Variants in NCKAP5 observed in about 807,000 individuals in gnomAD.
NCKAP5 encodes the protein NCK associated protein 5, also known as nck-associated protein 5.
In NCKAP5, 92 loss-of-function variants were observed where a neutral mutation model predicts 167.0. That is an observed-to-expected ratio of 0.55 (90% CI 0.47 to 0.66). NCKAP5 has a LOEUF of 0.66. NCKAP5 is among the 30% of genes least tolerant of loss of function. The probability of loss-of-function intolerance (pLI) is 0.00; values close to 1 mark genes in which losing one functional copy is unlikely to be tolerated. For synonymous variants in NCKAP5, 891 were observed against 877.4 expected (o/e 1.02, Z -0.27); for missense variants, 2,378 against 2,315.0 (o/e 1.03, Z -0.56).
At chr2:133,541,950 T>G (rs550675965) in intron 2 of NCKAP5, among the ~76,000 whole-genome samples, 1 of 152,194 alleles carries the variant, frequency 6.6e-6, no homozygotes, top group Non-Finnish European at 1.5e-5. Context: ...CAATAAAATG[T>G]CCCCACCTGT....
At position 132,673,267 on chromosome 2, in the gene NCKAP5, C is replaced by A. The variant is rs1481046150; in HGVS notation, c.*22G>T. 6.6e-7 allele frequency: 1 copy of A among 1,516,010 alleles called. No individual in the cohort carries two copies. Among genetic ancestry groups the A allele is most frequent in the East Asian group, 2.5e-5 (1 of 39,968 alleles). The allele number at this position is 1,516,010 out of a possible 1,614,324, so 93.9% of individuals were successfully genotyped here. On this transcript the variant is annotated 3_prime_UTR_variant, in exon 20 of 20. Coordinates refer to ENST00000409261, the MANE Select transcript of NCKAP5 (RefSeq NM_207363.3). ...CTAGGGAAATTTTCGATAATCTATTCTCGGGATCGTCTTTTGTTTCTTCAA... is the reference window on the plus strand; with the variant it reads ...CTAGGGAAATTTTCGATAATCTATTATCGGGATCGTCTTTTGTTTCTTCAA...
At chr2:133,013,458 T>C (rs920765303) in intron 6 of NCKAP5, among the ~76,000 whole-genome samples, 2 of 152,216 alleles carry the variant, frequency 1.3e-5, no homozygotes, top group Non-Finnish European at 2.9e-5. Context: ...TTCACATGAA[T>C]GGCAGCAGGC....
intron 10 of NCKAP5, among the ~76,000 whole-genome samples, chr2:132,866,545 A>G (rs967201754): frequency 6.6e-6 from 1 of 152,174 alleles, no homozygotes; most frequent in Non-Finnish European, 1.5e-5. Flanking sequence ...AGAAACTGCT[A>G]AGTTCATGGA....
intron 3 of NCKAP5, among the ~76,000 whole-genome samples, chr2:133,374,611 T>C (rs1381440230): frequency 2.0e-5 from 3 of 147,668 alleles, no homozygotes; most frequent in African/African-American, 7.5e-5. Context: ...GAGAAGTGCA[T>C]GTCTAGGGCA....
At chr2:133,000,645 T>C (rs1051401083) in intron 6 of NCKAP5, among the ~76,000 whole-genome samples, 4 of 152,220 alleles carry the variant, frequency 2.6e-5, no homozygotes, top group African/African-American at 9.6e-5. Context: ...TGACTAGCAT[T>C]AATTACTGTC....
intron 6 of NCKAP5, among the ~76,000 whole-genome samples, chr2:133,016,347 G>T (rs550782879): frequency 6.6e-6 from 1 of 152,190 alleles, no homozygotes; most frequent in Non-Finnish European, 1.5e-5. Context: ...ACAAAAAAAG[G>T]TGATGAAAAT....
chr2:133,261,603 C>T (rs1195041956), intron 4 of NCKAP5, among the ~76,000 whole-genome samples: 2 of 152,172 alleles, frequency 1.3e-5, no homozygotes, highest in Non-Finnish European at 2.9e-5. Context: ...CTGTGTTCTT[C>T]ATCTTTGCAT....
intron 5 of NCKAP5, among the ~76,000 whole-genome samples, chr2:133,145,770 T>C (rs1488181370): frequency 6.6e-6 from 1 of 152,112 alleles, no homozygotes; most frequent in East Asian, 1.9e-4. Context: ...CTGTAATCAA[T>C]ACTTTCTTAC....
chr2:133,330,984 AC>A (rs1234182587), intron 3 of NCKAP5, among the ~76,000 whole-genome samples: 21 of 152,088 alleles, frequency 1.4e-4, no homozygotes, highest in Admixed American at 1.3e-3. Flanking sequence ...ATGCACACAC[AC>A]TCCCACTGTA....
intron 5 of NCKAP5, among the ~76,000 whole-genome samples, chr2:133,181,194 A>T (rs1214968103): frequency 6.6e-6 from 1 of 152,162 alleles, no homozygotes; most frequent in African/African-American, 2.4e-5. Context: ...TTTACATTAT[A>T]AGCAGGACAG....
At chr2:133,298,914 G>A (rs1680151359) in intron 4 of NCKAP5, among the ~76,000 whole-genome samples, 1 of 152,000 alleles carries the variant, frequency 6.6e-6, no homozygotes, top group Non-Finnish European at 1.5e-5. Flanking sequence ...GACAAATCTA[G>A]CAAATATTGC....
In NCKAP5 at chr2:132,785,720, T is replaced by C; in HGVS notation, c.1093-2A>G. On this transcript the variant is annotated splice_acceptor_variant, in intron 13 of 19. Transcript: ENST00000409261. LOFTEE classifies it high-confidence loss of function. ...TTTATCCCAGTTTTGTGATGATTGC[T>C]AGGAAAGAAAAGTAGACATCAGAAA... 6.8e-7 allele frequency: 1 copy of C among 1,481,244 alleles called. No homozygotes were observed. The highest frequency in any genetic ancestry group is 9.0e-7 in the Non-Finnish European group (1 of 1,116,520). 91.8% of individuals were successfully genotyped at this position (1,481,244 alleles called of 1,614,324 possible).
At chr2:133,253,291 C>T (rs908374934) in intron 4 of NCKAP5, among the ~76,000 whole-genome samples, 2 of 152,240 alleles carry the variant, frequency 1.3e-5, no homozygotes, top group Non-Finnish European at 2.9e-5. Flanking sequence ...CACTCTGTGC[C>T]AGGCATTCTG....
chr2:132,889,032 G>A (rs1257073652), intron 8 of NCKAP5, among the ~76,000 whole-genome samples: 1 of 152,146 alleles, frequency 6.6e-6, no homozygotes, highest in African/African-American at 2.4e-5. Flanking sequence ...TCTTATATGA[G>A]CTACCATGTA....
intron 5 of NCKAP5, among the ~76,000 whole-genome samples, chr2:133,209,962 C>T (rs781347604): frequency 1.9e-4 from 29 of 151,954 alleles, no homozygotes; most frequent in Admixed American, 4.6e-4. Flanking sequence ...GTCAGGAGTT[C>T]GAAACCAGCC....
intron 5 of NCKAP5, among the ~76,000 whole-genome samples, chr2:133,149,569 T>C (rs12468373): frequency 0.18 from 27,983 of 152,004 alleles, 2,824 homozygotes; most frequent in Non-Finnish European, 0.22. Context: ...TATCTAACTC[T>C]TAACTACAAC....
chr2:132,922,293 A>G (rs1175308737), intron 8 of NCKAP5, among the ~76,000 whole-genome samples: 1 of 152,170 alleles, frequency 6.6e-6, no homozygotes, highest in African/African-American at 2.4e-5. Flanking sequence ...TCTATGTACA[A>G]AGTTCTATGT....
At chr2:133,281,733 A>C (rs1318905518) in intron 4 of NCKAP5, among the ~76,000 whole-genome samples, 1 of 152,200 alleles carries the variant, frequency 6.6e-6, no homozygotes, top group Non-Finnish European at 1.5e-5. Context: ...TACCATGGTG[A>C]CAAGCAACCC....
At chr2:133,558,976 T>G (rs1687965360) in intron 2 of NCKAP5, 74 bp downstream of exon 2, 1 of 152,044 alleles carries the variant, frequency 6.6e-6, no homozygotes, top group South Asian at 2.1e-4. Context: ...TCCTCAATGA[T>G]AAGAGCCAAT....
Sources: gnomAD v4.1 joint callset for allele counts (sites outside exome capture counted in the v4.1 genomes callset) on GRCh38, gnomAD v4.1.1 for gene constraint, MANE v1.5 for transcripts, NCBI Gene and HGNC (gene_info 2026-07-23, HGNC 2026-07-21) for gene names.